Variants in AUTS2 observed in about 807,000 individuals in gnomAD.
AUTS2 encodes autism susceptibility gene 2 protein.
AUTS2 carries 17 observed loss-of-function variants against 112.4 expected under a neutral mutation model. The observed-to-expected ratio is 0.15, with a 90% CI of 0.10 to 0.23. The LOEUF (loss-of-function observed/expected upper bound fraction) is 0.23. AUTS2 is among the 10% of genes least tolerant of loss of function. The probability of loss-of-function intolerance (pLI) is 1.00; values close to 1 mark genes in which losing one functional copy is unlikely to be tolerated. For missense variants in AUTS2, 1,510 were observed against 1,701.6 expected (o/e 0.89, Z 1.98); for synonymous variants, 751 against 702.7 (o/e 1.07, Z -1.09).
At chr7:70,125,771 C>G (rs764276445) in intron 3 of AUTS2, among the ~76,000 whole-genome samples, 29 of 152,144 alleles carry the variant, frequency 1.9e-4, no homozygotes, top group Non-Finnish European at 4.1e-4. Flanking sequence ...CTACTTTTTT[C>G]TCTTCTCTCA....
intron 2 of AUTS2, among the ~76,000 whole-genome samples, chr7:70,078,586 C>G (rs1803149173): frequency 6.6e-6 from 1 of 152,114 alleles, no homozygotes; most frequent in Non-Finnish European, 1.5e-5. Flanking sequence ...TCTTCATTTT[C>G]TGTGCCACTT....
At chr7:70,666,001 G>A (rs1807330009) in intron 5 of AUTS2, among the ~76,000 whole-genome samples, 1 of 152,170 alleles carries the variant, frequency 6.6e-6, no homozygotes, top group Non-Finnish European at 1.5e-5. Flanking sequence ...GCGGCTGGGG[G>A]CCTCTGAGCT....
chr7:69,886,791 G>GTGTC (rs1353475797), intron 1 of AUTS2, among the ~76,000 whole-genome samples: 14 of 151,246 alleles, frequency 9.3e-5, no homozygotes, highest in African/African-American at 2.7e-4. Context: ...GTGTGTGTGT[G>GTGTC]TGTGTGTGTG....
chr7:70,746,082 T>C (rs772533237), intron 6 of AUTS2, among the ~76,000 whole-genome samples: 27 of 152,226 alleles, frequency 1.8e-4, no homozygotes, highest in Non-Finnish European at 3.2e-4. Context: ...AGGCAAAGAT[T>C]GAAAGAAATC....
chr7:70,773,673 G>A (rs1177895639), intron 11 of AUTS2, among the ~76,000 whole-genome samples: 1 of 152,214 alleles, frequency 6.6e-6, no homozygotes, highest in Non-Finnish European at 1.5e-5. Flanking sequence ...GGAATGTTTG[G>A]TGATTAAGCA....
intron 2 of AUTS2, among the ~76,000 whole-genome samples, chr7:70,073,531 G>T (rs1417147007): frequency 1.3e-5 from 2 of 150,652 alleles, no homozygotes; most frequent in Non-Finnish European, 1.5e-5. Flanking sequence ...AAAAAAAAAT[G>T]GGATGGGTCA....
intron 4 of AUTS2, among the ~76,000 whole-genome samples, chr7:70,165,926 C>T (rs1226967918): frequency 6.6e-6 from 1 of 151,992 alleles, no homozygotes; most frequent in African/African-American, 2.4e-5. Context: ...GTGATTGGAT[C>T]ATGGGGGCAG....
chr7:70,763,148 C>T lies in AUTS2; in HGVS notation c.1021C>T (p.Pro341Ser). The T allele has an allele frequency of 6.2e-7, 1 of 1,613,978 alleles. No individual in the cohort carries two copies. Among genetic ancestry groups the T allele is most frequent in the African/African-American group, 1.3e-5 (1 of 75,038 alleles). The change falls in exon 7 of 19, where the codon CCA becomes TCA. Residue 341 changes from proline to serine, a missense_variant. Coordinates refer to ENST00000342771, the MANE Select transcript of AUTS2 (RefSeq NM_015570.4). Reference protein sequence around the residue: ...PPQPPPLSTQPPQGPPEAQLQ... With the variant: ...PPQPPPLSTQSPQGPPEAQLQ... Reference sequence around the variant, plus strand: ...TCAACCCCCACCTCTGAGTACACAGCCACCACAGGGCCCTCCTGAGGCCCA... The same window carrying T: ...TCAACCCCCACCTCTGAGTACACAGTCACCACAGGGCCCTCCTGAGGCCCA...
chr7:69,854,299 T>G (rs1193107000), intron 1 of AUTS2, among the ~76,000 whole-genome samples: 2 of 152,140 alleles, frequency 1.3e-5, no homozygotes, highest in Non-Finnish European at 1.5e-5. Flanking sequence ...CTAAGGTCAC[T>G]TAGCTAGGGA....
chr7:70,109,068 A>G (rs1804932088), intron 2 of AUTS2, among the ~76,000 whole-genome samples: 1 of 152,192 alleles, frequency 6.6e-6, no homozygotes, highest in African/African-American at 2.4e-5. Flanking sequence ...TCGTGTTAGA[A>G]TGGGAAAAAC....
At chr7:70,439,771 A>G (rs1796049514) in intron 5 of AUTS2, among the ~76,000 whole-genome samples, 1 of 152,156 alleles carries the variant, frequency 6.6e-6, no homozygotes. Flanking sequence ...TTTGGCCTAT[A>G]TTTTATTGTT....
At chr7:69,645,956 A>T (rs1438194109) in intron 1 of AUTS2, among the ~76,000 whole-genome samples, 1 of 151,964 alleles carries the variant, frequency 6.6e-6, no homozygotes, top group East Asian at 1.9e-4. Context: ...GTGTCAGCTG[A>T]AACGGTCTGG....
At chr7:70,449,086 G>C (rs1796429808) in intron 5 of AUTS2, among the ~76,000 whole-genome samples, 1 of 152,116 alleles carries the variant, frequency 6.6e-6, no homozygotes, top group Non-Finnish European at 1.5e-5. Context: ...TTAGGCTTTT[G>C]GAATTTAAAT....
chr7:69,660,002 A>G (rs1027041791), intron 1 of AUTS2, among the ~76,000 whole-genome samples: 7 of 152,180 alleles, frequency 4.6e-5, no homozygotes, highest in African/African-American at 1.7e-4. Flanking sequence ...ACTTCAGAGG[A>G]TAAAAACTAG....
chr7:70,154,815 C>T (rs1010733057), intron 4 of AUTS2, among the ~76,000 whole-genome samples: 18 of 152,190 alleles, frequency 1.2e-4, no homozygotes, highest in Non-Finnish European at 2.6e-4. Flanking sequence ...AAACTCGCTG[C>T]TATTATCTCT....
intron 1 of AUTS2, among the ~76,000 whole-genome samples, chr7:69,723,793 C>T (rs1786361916): frequency 1.3e-5 from 2 of 152,034 alleles, no homozygotes; most frequent in Non-Finnish European, 2.9e-5. Flanking sequence ...AGCTTCACAC[C>T]CCAGTCCACT....
At chr7:70,425,395 T>C (rs1316805843) in intron 4 of AUTS2, among the ~76,000 whole-genome samples, 1 of 152,236 alleles carries the variant, frequency 6.6e-6, no homozygotes, top group Non-Finnish European at 1.5e-5. Flanking sequence ...TGGCTGTTCC[T>C]GCTGGCTGTG....
chr7:70,457,606 A>T (rs1425782949), intron 5 of AUTS2, among the ~76,000 whole-genome samples: 1 of 152,114 alleles, frequency 6.6e-6, no homozygotes, highest in Non-Finnish European at 1.5e-5. Flanking sequence ...GTGCCTTGAT[A>T]TGTACTTTTT....
At chr7:70,600,951 T>A (rs1473186487) in intron 5 of AUTS2, among the ~76,000 whole-genome samples, 1 of 152,220 alleles carries the variant, frequency 6.6e-6, no homozygotes, top group Non-Finnish European at 1.5e-5. Context: ...TTCTTTCTAC[T>A]GTTTGGTTAT....
Sources: gnomAD v4.1 joint callset for allele counts (sites outside exome capture counted in the v4.1 genomes callset) on GRCh38, gnomAD v4.1.1 for gene constraint, MANE v1.5 for transcripts, NCBI Gene and HGNC (gene_info 2026-07-23, HGNC 2026-07-21) for gene names.